TAOK3: variants seen among roughly 807,000 people sequenced by gnomAD.
TAOK3 encodes the protein serine/threonine-protein kinase TAO3.
Under a neutral mutation model 120.4 loss-of-function variants are expected in TAOK3, and 40 were observed. The observed-to-expected ratio is 0.33, with a 90% CI of 0.26 to 0.43. The LOEUF (loss-of-function observed/expected upper bound fraction) is 0.43, where lower values mean the gene tolerates loss of function less well. Among genes scored for constraint, TAOK3 ranks in the 20% least tolerant of loss-of-function variants. The pLI is 1.00. For synonymous variants in TAOK3, 355 were observed against 387.5 expected (o/e 0.92, Z 0.99); for missense variants, 821 against 1,112.1 (o/e 0.74, Z 3.72).
chr12:118,214,686 G>A (rs914364980), intron 9 of TAOK3, among the ~76,000 whole-genome samples: 1 of 150,872 alleles, frequency 6.6e-6, no homozygotes, highest in African/African-American at 2.4e-5. Flanking sequence ...TCCTGCCTCA[G>A]CCTCCTGAGT....
chr12:118,278,129 G>T (rs2041968463), intron 1 of TAOK3, among the ~76,000 whole-genome samples: 1 of 151,906 alleles, frequency 6.6e-6, no homozygotes, highest in South Asian at 2.1e-4. Flanking sequence ...CAATAAAAAA[G>T]TAGAATTTGA....
At chr12:118,198,951 T>G in intron 13 of TAOK3, 100 bp downstream of exon 13, 1 of 1,336,276 alleles carries the variant, frequency 7.5e-7, no homozygotes, top group South Asian at 1.2e-5. Context: ...CACACTGCAG[T>G]TGCAAAAAGG....
rs975826881 is a variant in TAOK3 at position 118,160,002 on chromosome 12, G to A, written c.2352+144C>T. On this transcript the variant is annotated intron_variant, in intron 19 of 20. Transcript: ENST00000392533. The surrounding 1 kb of genome is among the most constrained non-coding windows in gnomAD (Gnocchi z 4.2). ...CCACATTGGCTTGGCTTTATTCAAC[G>A]TCGTCCTTTCCTCAGTCCTTTGGGC... The A allele has an allele frequency of 1.0e-4, 71 of 709,816 alleles. No individual in the cohort carries two copies. Among genetic ancestry groups the A allele is most frequent in the Middle Eastern group, 3.1e-4 (1 of 3,214 alleles). The allele number at this position is 709,816 out of a possible 1,614,324, so 44.0% of individuals were successfully genotyped here.
chr12:118,269,119 TTCTC>T (rs2041587829), intron 1 of TAOK3, among the ~76,000 whole-genome samples: 1 of 151,184 alleles, frequency 6.6e-6, no homozygotes, highest in African/African-American at 2.4e-5. Flanking sequence ...ATAGTTTTCT[TTCTC>T]TTTCTTTCTT....
chr12:118,232,732 C>T (rs1252756113), intron 9 of TAOK3, among the ~76,000 whole-genome samples: 1 of 151,932 alleles, frequency 6.6e-6, no homozygotes, highest in African/African-American at 2.4e-5. Flanking sequence ...ACAGCAAAAC[C>T]CTGTCTCTAC....
chr12:118,201,904 C>T (rs886078141), intron 11 of TAOK3, among the ~76,000 whole-genome samples: 1 of 151,758 alleles, frequency 6.6e-6, no homozygotes, highest in Non-Finnish European at 1.5e-5. Flanking sequence ...TACACTGGAT[C>T]TCTACACTTA....
intron 19 of TAOK3, among the ~76,000 whole-genome samples, chr12:118,154,855 C>A (rs905623147): frequency 3.9e-5 from 6 of 152,278 alleles, no homozygotes; most frequent in African/African-American, 1.2e-4. Flanking sequence ...TACAGGCGCA[C>A]AGGATTCCCC....
chr12:118,343,114 A>T (rs1418685980), intron 1 of TAOK3, among the ~76,000 whole-genome samples: 1 of 151,880 alleles, frequency 6.6e-6, no homozygotes, highest in African/African-American at 2.4e-5. Context: ...TAAATTTATT[A>T]ATCAAAACAT....
At chr12:118,328,511 C>A (rs1336625532) in intron 1 of TAOK3, among the ~76,000 whole-genome samples, 1 of 152,172 alleles carries the variant, frequency 6.6e-6, no homozygotes, top group East Asian at 1.9e-4. Flanking sequence ...TCTACCCCAA[C>A]TTACATGGCG....
chr12:118,195,035 C>T (rs940508650), intron 13 of TAOK3, among the ~76,000 whole-genome samples: 2 of 152,068 alleles, frequency 1.3e-5, no homozygotes, highest in Non-Finnish European at 2.9e-5. Context: ...GTGTGAGCCA[C>T]CGTGCCTGGC....
At position 118,255,629 on chromosome 12, in the gene TAOK3, T is replaced by G; in HGVS notation, c.-62A>C. The stretch of plus-strand genomic sequence containing the variant: ...GTTAGCTTTATTTCTCATTGACAAT[T>G]TTTTTTGGGGGGTAAATCTTCAGTA... On this transcript the variant is annotated 5_prime_UTR_variant, in exon 3 of 21. Coordinates refer to ENST00000392533, the MANE Select transcript of TAOK3 (RefSeq NM_016281.4). The G allele has an allele frequency of 6.6e-7, 1 of 1,523,904 alleles. No homozygotes were observed. The highest frequency in any genetic ancestry group is 1.3e-5 in the South Asian group (1 of 77,312). The allele number at this position is 1,523,904 out of a possible 1,614,324, so 94.4% of individuals were successfully genotyped here.
At chr12:118,361,394 C>T (rs553536817) in intron 1 of TAOK3, among the ~76,000 whole-genome samples, 4 of 151,936 alleles carry the variant, frequency 2.6e-5, no homozygotes, top group East Asian at 1.9e-4. Flanking sequence ...TGTAAAACCC[C>T]GAGAGTAGAA....
intron 17 of TAOK3, among the ~76,000 whole-genome samples, chr12:118,164,296 C>T (rs1046433499): frequency 3.3e-5 from 5 of 151,182 alleles, no homozygotes; most frequent in African/African-American, 1.2e-4. Flanking sequence ...CACTGCACTC[C>T]AGCCTGGGGG....
chr12:118,211,966 G>GT (rs2038656582), intron 11 of TAOK3, among the ~76,000 whole-genome samples: 1 of 152,160 alleles, frequency 6.6e-6, no homozygotes, highest in Non-Finnish European at 1.5e-5. Flanking sequence ...TTTAAAACAT[G>GT]TAAGGGCTCC....
intron 2 of TAOK3, among the ~76,000 whole-genome samples, chr12:118,266,030 C>CA (rs562842417): frequency 2.6e-4 from 40 of 151,502 alleles, no homozygotes; most frequent in African/African-American, 9.0e-4. Context: ...AAACTACCAA[C>CA]AAAAAAATGG....
chr12:118,176,033 T>A (rs2036302160), intron 16 of TAOK3, among the ~76,000 whole-genome samples: 1 of 152,222 alleles, frequency 6.6e-6, no homozygotes, highest in Non-Finnish European at 1.5e-5. Context: ...AAATAATCAT[T>A]AAACAAATGT....
chr12:118,258,317 A>G (rs963853612), intron 2 of TAOK3, among the ~76,000 whole-genome samples: 6 of 152,156 alleles, frequency 3.9e-5, no homozygotes, highest in African/African-American at 1.4e-4. Flanking sequence ...CTGCCAATCC[A>G]TGGATGCCAA....
At chr12:118,185,133 T>C (rs1190971876) in intron 14 of TAOK3, among the ~76,000 whole-genome samples, 2 of 150,888 alleles carry the variant, frequency 1.3e-5, no homozygotes, top group Non-Finnish European at 2.9e-5. Context: ...TGTATCCAGG[T>C]TGTGGATTAT....
chr12:118,199,304 G>T, intron 12 of TAOK3, 47 bp from the exon 13 acceptor site: 1 of 1,451,384 alleles, frequency 6.9e-7, no homozygotes, highest in Non-Finnish European at 9.6e-7. Flanking sequence ...TGAAGATAAA[G>T]AGTCAATCCA....
Sources: gnomAD v4.1 joint callset for allele counts (sites outside exome capture counted in the v4.1 genomes callset) on GRCh38, gnomAD v4.1.1 for gene constraint, Gnocchi (gnomAD v3.1) non-coding constraint, MANE v1.5 for transcripts, NCBI Gene and HGNC (gene_info 2026-07-23, HGNC 2026-07-21) for gene names.